The following EVC2 variants were observed in gnomAD, a reference collection of about 807,000 sequenced individuals.
EVC2 encodes limbin.
In EVC2, 148 loss-of-function variants were observed where a neutral mutation model predicts 149.3. That is an observed-to-expected ratio of 0.99 (90% CI 0.87 to 1.14). The LOEUF (loss-of-function observed/expected upper bound fraction) is 1.14, where lower values mean the gene tolerates loss of function less well. Ranked by LOEUF, EVC2 falls within the 50% of genes most tolerant of loss-of-function variation. EVC2 has a pLI of 0.00. For synonymous variants in EVC2, 776 were observed against 649.9 expected (o/e 1.19, Z -2.95); for missense variants, 1,854 against 1,627.3 (o/e 1.14, Z -2.40).
chr4:5,667,803 T>C (rs936988057), intron 7 of EVC2, among the ~76,000 whole-genome samples: 3 of 152,232 alleles, frequency 2.0e-5, no homozygotes, highest in East Asian at 1.9e-4. Flanking sequence ...ATAGGCACCC[T>C]GTGCCTGGCA....
intron 16 of EVC2, among the ~76,000 whole-genome samples, chr4:5,590,651 G>C (rs1162628197): frequency 6.6e-6 from 1 of 151,626 alleles, no homozygotes; most frequent in Non-Finnish European, 1.5e-5. Flanking sequence ...ACAGTCTATG[G>C]AGGATGCTCA....
In EVC2 at chr4:5,579,611, G is replaced by T. The variant is rs558892239; in HGVS notation, c.3058-3157C>A. Among the ~76,000 whole-genome samples, 29 of 152,330 alleles carry T rather than the reference G, an allele frequency of 1.9e-4. No individual in the cohort carries two copies. The East Asian group carries it at 4.8e-3, about 25-fold the overall frequency. On this transcript the variant is annotated intron_variant, in intron 17 of 21. Coordinates refer to ENST00000344408, the MANE Select transcript of EVC2 (RefSeq NM_147127.5). The stretch of plus-strand genomic sequence containing the variant: ...AATCCCAGCACTTTGGGAGGCCAAG[G>T]TGGGAGGATCACTTGAGGTCAGGAG...
intron 18 of EVC2, among the ~76,000 whole-genome samples, chr4:5,575,785 G>T (rs572135130): frequency 2.6e-5 from 4 of 152,310 alleles, no homozygotes; most frequent in South Asian, 4.1e-4. Context: ...AAGACTGGGG[G>T]TCTGTCTGTT....
chr4:5,630,163 G>C (rs1255663299), intron 11 of EVC2, among the ~76,000 whole-genome samples: 1 of 152,168 alleles, frequency 6.6e-6, no homozygotes, highest in African/African-American at 2.4e-5. Flanking sequence ...TTAAATGGAG[G>C]GGGGAGCTCG....
At chr4:5,678,995 C>T (rs974907905) in intron 7 of EVC2, among the ~76,000 whole-genome samples, 1 of 151,018 alleles carries the variant, frequency 6.6e-6, no homozygotes, top group South Asian at 2.1e-4. Context: ...CGTACCACTG[C>T]ACTCCAGCCT....
Position 5,686,091 on chromosome 4 carries a change from ATATT to A in EVC2, c.707-616_707-613del. ...ATATAACATATATACACACACATAT[ATATT>A]ACACACACACACACACACACACACA... On this transcript the variant is annotated intron_variant, in intron 5 of 21. Coordinates refer to ENST00000344408, the MANE Select transcript of EVC2 (RefSeq NM_147127.5). This position sits in a 1 kb window ranked among gnomAD's most constrained non-coding sequence, Gnocchi z 5.4. 2.2e-5 allele frequency among the ~76,000 whole-genome samples: 1 copy of A among 46,422 alleles called. No homozygotes were observed. Among genetic ancestry groups the A allele is most frequent in the East Asian group, 6.9e-4 (1 of 1,442 alleles). The allele number at this position is 46,422 out of a possible 152,430, so 30.5% of individuals were successfully genotyped here.
intron 16 of EVC2, among the ~76,000 whole-genome samples, chr4:5,600,669 G>A (rs1713902572): frequency 6.6e-6 from 1 of 152,168 alleles, no homozygotes; most frequent in South Asian, 2.1e-4. Context: ...TAAGCAAGAA[G>A]CAACATAATT....
chr4:5,603,795 C>T lies in EVC2; in HGVS notation c.2829+11627G>A, dbSNP rs562959421. Among the ~76,000 whole-genome samples, 88 of 152,200 alleles carry T rather than the reference C, an allele frequency of 5.8e-4. 1 individual carries two copies. The highest frequency in any genetic ancestry group is 1.8e-3 in the Admixed American group (27 of 15,292). ...ATCATTATAATAAGACCAGAAATAACGGGTGAAGAGGAAATATGGTTATGT... is the reference window on the plus strand; with the variant it reads ...ATCATTATAATAAGACCAGAAATAATGGGTGAAGAGGAAATATGGTTATGT... On this transcript the variant is annotated intron_variant, in intron 16 of 21. Transcript: ENST00000344408.
chr4:5,548,023 G>A (rs916765698), intron 21 of EVC2, among the ~76,000 whole-genome samples: 1 of 152,108 alleles, frequency 6.6e-6, no homozygotes, highest in African/African-American at 2.4e-5. Flanking sequence ...GAGAGTCGGT[G>A]CCCACGCCGG....
chr4:5,650,799 C>T (rs1361031797), intron 9 of EVC2, among the ~76,000 whole-genome samples: 1 of 151,788 alleles, frequency 6.6e-6, no homozygotes, highest in Non-Finnish European at 1.5e-5. Flanking sequence ...AATGACAGAA[C>T]TGGGATTTGA....
At chr4:5,538,740 TG>T (rs962135102), downstream of EVC2, among the ~76,000 whole-genome samples, 1 of 152,068 alleles carries the variant, frequency 6.6e-6, no homozygotes, top group Non-Finnish European at 1.5e-5. Context: ...GCCATCTCAA[TG>T]GGGAAAAAGC....
intron 3 of EVC2, among the ~76,000 whole-genome samples, chr4:5,693,356 T>A (rs1328143464): frequency 6.6e-6 from 1 of 152,206 alleles, no homozygotes; most frequent in Non-Finnish European, 1.5e-5. Flanking sequence ...TCTCAAGAGA[T>A]CATCCTGGAC....
chr4:5,587,875 A>G (rs563995281), intron 16 of EVC2, among the ~76,000 whole-genome samples: 3 of 152,294 alleles, frequency 2.0e-5, no homozygotes, highest in African/African-American at 7.2e-5. Flanking sequence ...TCAGGGGTCA[A>G]TCTTTAACTA....
intron 1 of EVC2, among the ~76,000 whole-genome samples, chr4:5,701,020 T>TCG (rs750730157): frequency 6.6e-6 from 1 of 152,244 alleles, no homozygotes; most frequent in Non-Finnish European, 1.5e-5. Flanking sequence ...TGGACTAAAG[T>TCG]CAAAGTATTG....
At chr4:5,692,879 AAAAAAAAAAAAG>A (rs1281181428) in intron 3 of EVC2, among the ~76,000 whole-genome samples, 3 of 137,882 alleles carry the variant, frequency 2.2e-5, no homozygotes, top group East Asian at 2.1e-4. Context: ...GTCTCAAAAA[AAAAAAAAAAAAG>A]AAAAAAGAAA....
chr4:5,668,546 A>C (rs1374668169), intron 7 of EVC2, among the ~76,000 whole-genome samples: 1 of 152,212 alleles, frequency 6.6e-6, no homozygotes, highest in East Asian at 1.9e-4. Context: ...CTACTAGACA[A>C]GAAAAAAATC....
chr4:5,541,430 G>T (rs1265387639), downstream of EVC2, among the ~76,000 whole-genome samples: 1 of 152,230 alleles, frequency 6.6e-6, no homozygotes, highest in Non-Finnish European at 1.5e-5. Context: ...GGTCAGGCAG[G>T]TCTCAGTGAA....
intron 21 of EVC2, among the ~76,000 whole-genome samples, chr4:5,553,809 T>C (rs1261499678): frequency 6.6e-6 from 1 of 152,136 alleles, no homozygotes; most frequent in African/African-American, 2.4e-5. Flanking sequence ...AATCCAAAAC[T>C]ATTTACAAGT....
intron 7 of EVC2, among the ~76,000 whole-genome samples, chr4:5,678,539 G>A (rs1409506161): frequency 1.3e-5 from 2 of 152,162 alleles, no homozygotes; most frequent in African/African-American, 4.8e-5. Context: ...AGGAAGAGAT[G>A]TTCCTAGAAA....
Sources: gnomAD v4.1 joint callset for allele counts (sites outside exome capture counted in the v4.1 genomes callset) on GRCh38, gnomAD v4.1.1 for gene constraint, Gnocchi (gnomAD v3.1) non-coding constraint, MANE v1.5 for transcripts, NCBI Gene and HGNC (gene_info 2026-07-23, HGNC 2026-07-21) for gene names.